Variants in RABEP1 observed in about 807,000 individuals in gnomAD.
RABEP1 encodes rab GTPase-binding effector protein 1.
Under a neutral mutation model 123.4 loss-of-function variants are expected in RABEP1, and 51 were observed. The observed-to-expected ratio is 0.41, with a 90% CI of 0.33 to 0.52. The LOEUF (loss-of-function observed/expected upper bound fraction) is 0.52, where lower values mean the gene tolerates loss of function less well. Ranked by LOEUF, RABEP1 falls within the 20% of genes least tolerant of loss-of-function variation. RABEP1 has a pLI of 0.16. For synonymous variants in RABEP1, 347 were observed against 355.2 expected (o/e 0.98, Z 0.26); for missense variants, 888 against 996.3 (o/e 0.89, Z 1.46).
intron 4 of RABEP1, 65 bp from the exon 5 acceptor site, chr17:5,337,954 G>T: frequency 1.3e-6 from 2 of 1,522,404 alleles, no homozygotes; most frequent in Middle Eastern, 1.8e-4. Flanking sequence ...CAAATGGAAG[G>T]GTTAGAGTTT....
At chr17:5,305,217 T>TG (rs5819020) in intron 1 of RABEP1, among the ~76,000 whole-genome samples, 20,762 of 152,190 alleles carry the variant, frequency 0.14, 1,470 homozygotes, top group East Asian at 0.17. Context: ...CAGTTTTTTT[T>TG]GTCTTTCTAT....
At chr17:5,372,718 C>T (rs760817727) in intron 12 of RABEP1, among the ~76,000 whole-genome samples, 4 of 152,126 alleles carry the variant, frequency 2.6e-5, no homozygotes, top group Non-Finnish European at 2.9e-5. Flanking sequence ...ACTAGAGATC[C>T]TGGTCCTTCT....
At position 5,306,706 on chromosome 17, in the gene RABEP1, G is replaced by A. The variant is rs145572791; in HGVS notation, c.35-1988G>A. On this transcript the variant is annotated intron_variant, in intron 1 of 17. Transcript: ENST00000537505. Reference sequence around the variant, plus strand: ...CATGGAACTGAGTCAGAATCATGAGGTTGGAAGTGACTTCTGGTCTTTTCT... The same window carrying A: ...CATGGAACTGAGTCAGAATCATGAGATTGGAAGTGACTTCTGGTCTTTTCT... Among the ~76,000 whole-genome samples the A allele has an allele frequency of 5.2e-4, 79 of 152,172 alleles. 1 individual carries two copies. The highest frequency in any genetic ancestry group is 1.7e-3 in the African/African-American group (72 of 41,532).
intron 12 of RABEP1, among the ~76,000 whole-genome samples, chr17:5,369,286 C>T (rs929552610): frequency 1.3e-5 from 2 of 152,156 alleles, no homozygotes; most frequent in Non-Finnish European, 2.9e-5. Flanking sequence ...GGGCTCCCTC[C>T]TCACTAGTCT....
intron 7 of RABEP1, among the ~76,000 whole-genome samples, chr17:5,353,627 C>G (rs141964946): frequency 1.3e-5 from 2 of 152,064 alleles, no homozygotes; most frequent in African/African-American, 4.8e-5. Flanking sequence ...GTGGGAGGAT[C>G]GCTTGAGCCT....
chr17:5,380,532 GAA>G, intron 16 of RABEP1, 70 bp downstream of exon 16: 1 of 1,250,200 alleles, frequency 8.0e-7, no homozygotes, highest in Non-Finnish European at 1.1e-6. Flanking sequence ...CTTGCTTGTT[GAA>G]AAAAAAATAT....
chr17:5,307,085 G>A (rs1200902260), intron 1 of RABEP1, among the ~76,000 whole-genome samples: 1 of 152,208 alleles, frequency 6.6e-6, no homozygotes, highest in Non-Finnish European at 1.5e-5. Flanking sequence ...TTGGGAGGCC[G>A]AGGTGGGTGG....
At chr17:5,284,074 G>A (rs1024420837) in intron 1 of RABEP1, 2 of 152,250 alleles carry the variant, frequency 1.3e-5, no homozygotes, top group African/African-American at 4.8e-5. Flanking sequence ...GGAGTGGTAG[G>A]TATGCATAGC....
intron 2 of RABEP1, among the ~76,000 whole-genome samples, chr17:5,319,682 G>A (rs1417666849): frequency 1.3e-5 from 2 of 151,976 alleles, no homozygotes; most frequent in East Asian, 3.9e-4. Flanking sequence ...AATTTAACAA[G>A]GATATTGAAA....
Position 5,380,408 on chromosome 17 carries a change from T to A in RABEP1, c.2316T>A (p.Leu772=). Residue 772 remains leucine, a synonymous_variant, in exon 16 of 18, where the codon CTT becomes CTA. Transcript: ENST00000537505. ...AGAAGTCTCAACAGCTTGAGAGTCT[T>A]CAGGAAATAAAGATCAGTTTGGAAG... The part of the protein sequence containing the change: ...LREKSQQLES[L]QEIKISLEEQ... 6.4e-7 allele frequency: 1 copy of A among 1,574,114 alleles called. No homozygotes were observed. Among genetic ancestry groups the A allele is most frequent in the Non-Finnish European group, 8.6e-7 (1 of 1,158,408 alleles).
At chr17:5,312,053 T>G (rs1357296904) in intron 2 of RABEP1, among the ~76,000 whole-genome samples, 1 of 152,260 alleles carries the variant, frequency 6.6e-6, no homozygotes, top group Non-Finnish European at 1.5e-5. Flanking sequence ...AGGTCTGTCT[T>G]CAATTTTGTT....
At chr17:5,297,933 A>T (rs2075098607) in intron 1 of RABEP1, among the ~76,000 whole-genome samples, 1 of 152,246 alleles carries the variant, frequency 6.6e-6, no homozygotes, top group South Asian at 2.1e-4. Context: ...TTTAATCAAG[A>T]GTTTCCTCCC....
intron 1 of RABEP1, among the ~76,000 whole-genome samples, chr17:5,301,771 TAA>T (rs765534217): frequency 2.1e-5 from 3 of 143,956 alleles, no homozygotes; most frequent in African/African-American, 2.5e-5. Context: ...TAACTTTGTT[TAA>T]AAAAAAAAAA....
intron 5 of RABEP1, among the ~76,000 whole-genome samples, chr17:5,341,493 A>T (rs947940370): frequency 6.6e-6 from 1 of 152,234 alleles, no homozygotes; most frequent in Non-Finnish European, 1.5e-5. Flanking sequence ...AAAAGATATT[A>T]AACTGTTGAT....
At chr17:5,292,393 TTTAC>T (rs2075041891) in intron 1 of RABEP1, among the ~76,000 whole-genome samples, 2 of 151,914 alleles carry the variant, frequency 1.3e-5, no homozygotes, top group African/African-American at 4.8e-5. Context: ...TTTTAGTTTA[TTTAC>T]TTTTTTTTTG....
At chr17:5,282,944 T>G (rs946629425) in intron 1 of RABEP1, among the ~76,000 whole-genome samples, 1 of 152,098 alleles carries the variant, frequency 6.6e-6, no homozygotes, top group East Asian at 1.9e-4. Context: ...CAATCCTTGC[T>G]ATAGAACTCT....
At chr17:5,301,574 C>T (rs1026980345) in intron 1 of RABEP1, among the ~76,000 whole-genome samples, 2 of 152,242 alleles carry the variant, frequency 1.3e-5, no homozygotes, top group South Asian at 2.1e-4. Flanking sequence ...CTGCTTTCTT[C>T]ATTGAAAAAT....
chr17:5,335,439 A>AT (rs1479125638), intron 4 of RABEP1, 95 bp downstream of exon 4: 1 of 1,065,054 alleles, frequency 9.4e-7, no homozygotes, highest in Non-Finnish European at 1.4e-6. Flanking sequence ...AAGTACTTTG[A>AT]TATTTCCTGT....
At chr17:5,350,248 C>T (rs1427334307) in intron 6 of RABEP1, among the ~76,000 whole-genome samples, 1 of 152,104 alleles carries the variant, frequency 6.6e-6, no homozygotes, top group Non-Finnish European at 1.5e-5. Context: ...GGCATGGTGG[C>T]AGGCGCCTGT....
Sources: gnomAD v4.1 joint callset for allele counts (sites outside exome capture counted in the v4.1 genomes callset) on GRCh38, gnomAD v4.1.1 for gene constraint, MANE v1.5 for transcripts, NCBI Gene and HGNC (gene_info 2026-07-23, HGNC 2026-07-21) for gene names.